Variants in GALR1 observed in about 807,000 individuals in gnomAD.
GALR1 encodes galanin receptor 1.
A neutral mutation model predicts 17.9 loss-of-function variants in GALR1; 11 were observed. That is an observed-to-expected ratio of 0.62 (90% confidence interval 0.39 to 1.02). GALR1 has a LOEUF of 1.02. Ranked by LOEUF, GALR1 falls within the 50% of genes least tolerant of loss-of-function variation. The pLI is 0.01. For missense variants in GALR1, 441 were observed against 456.9 expected, an observed-to-expected ratio of 0.97 and a Z score of 0.32; for synonymous variants, 206 against 205.7, an observed-to-expected ratio of 1.00 and a Z score of -0.01.
intron 1 of GALR1, among the ~76,000 whole-genome samples, chr18:77,253,276 G>A (rs990530037): frequency 8.5e-5 from 13 of 152,210 alleles, no homozygotes; most frequent in Admixed American, 8.5e-4. Flanking sequence ...AAAGAGCTTT[G>A]GAAAGGAACA....
chr18:77,270,163 CTT>C lies in GALR1; in HGVS notation c.*1263_*1264del, dbSNP rs1913033812. The C allele has an allele frequency of 6.6e-6, 1 of 151,908 alleles. No individual in the cohort carries two copies. The highest frequency in any genetic ancestry group is 2.1e-4 in the South Asian group (1 of 4,826). The allele number at this position is 151,908 out of a possible 1,614,324, so 9.4% of individuals were successfully genotyped here. A position where few individuals can be genotyped will look rare whatever the true frequency, so the allele number is the denominator to read the frequency against. On this transcript the variant is annotated 3_prime_UTR_variant, in exon 3 of 3. Coordinates refer to ENST00000299727, the MANE Select transcript of GALR1 (RefSeq NM_001480.4). ...GAAAAGTACTTTTCAGACTGTAAGA[CTT>C]TGATATGTTTTAGGAGGCAACAAAA... is the stretch of plus-strand genomic sequence containing the variant.
At position 77,250,195 on chromosome 18, in the gene GALR1, C is replaced by T. The variant is rs1318778631; in HGVS notation, c.-354C>T. On this transcript the variant is annotated 5_prime_UTR_variant, in exon 1 of 3. Coordinates refer to ENST00000299727, the MANE Select transcript of GALR1 (RefSeq NM_001480.4). The stretch of plus-strand genomic sequence containing the variant: ...GGTAAGGCGGAGAGAAGGGTCTTTC[C>T]ACCTGCGCGGCTGCAGCCGGCGGAT... Among the ~76,000 whole-genome samples the T allele has an allele frequency of 6.6e-6, 1 of 152,202 alleles. No homozygotes were observed. Among genetic ancestry groups the T allele is most frequent in the African/African-American group, 2.4e-5 (1 of 41,462 alleles).
intron 1 of GALR1, among the ~76,000 whole-genome samples, chr18:77,252,942 CA>C (rs1568139129): frequency 1.4e-4 from 11 of 76,570 alleles, no homozygotes; most frequent in Non-Finnish European, 2.6e-4. Flanking sequence ...CCACCACCAC[CA>C]CCACCATCAC....
intron 1 of GALR1, among the ~76,000 whole-genome samples, chr18:77,252,797 G>A (rs944920467): frequency 6.6e-6 from 1 of 150,416 alleles, no homozygotes; most frequent in African/African-American, 2.5e-5. Flanking sequence ...GCAGTGAGCC[G>A]AAATCGTGCC....
At chr18:77,257,453 T>C (rs1354639100) in intron 2 of GALR1, among the ~76,000 whole-genome samples, 2 of 152,214 alleles carry the variant, frequency 1.3e-5, no homozygotes, top group East Asian at 3.8e-4. Flanking sequence ...TTTAGGCATC[T>C]AGGCCCCGCA....
Position 77,273,711 on chromosome 18 carries a change from C to T in GALR1, c.*4809C>T, listed in dbSNP as rs1913104390. ...TCTTTGTATTCACTGGAAATAACCTCAGCTGAATTTTCTCTCTGAATCTTT... is the reference window on the plus strand; with the variant it reads ...TCTTTGTATTCACTGGAAATAACCTTAGCTGAATTTTCTCTCTGAATCTTT... On this transcript the variant is annotated 3_prime_UTR_variant, in exon 3 of 3. Coordinates refer to ENST00000299727, the MANE Select transcript of GALR1 (RefSeq NM_001480.4). 6.6e-6 allele frequency: 1 copy of T among 151,964 alleles called. No individual in the cohort carries two copies. Among genetic ancestry groups the T allele is most frequent in the African/African-American group, 2.4e-5 (1 of 41,392 alleles). 9.4% of individuals were successfully genotyped at this position (151,964 alleles called of 1,614,324 possible). A position where few individuals can be genotyped will look rare whatever the true frequency, so the allele number is the denominator to read the frequency against.
chr18:77,251,516 G>T (rs1912415485), intron 1 of GALR1, among the ~76,000 whole-genome samples: 1 of 152,250 alleles, frequency 6.6e-6, no homozygotes, highest in Non-Finnish European at 1.5e-5. Context: ...CGGCCCTGCG[G>T]CCCTTCAACG....
At chr18:77,266,663 A>G (rs568296824) in intron 2 of GALR1, among the ~76,000 whole-genome samples, 1 of 152,366 alleles carries the variant, frequency 6.6e-6, no homozygotes, top group African/African-American at 2.4e-5. Flanking sequence ...ACTTACAATC[A>G]TAGCAGAAAG....
chr18:77,262,246 G>A (rs1912847881), intron 2 of GALR1, among the ~76,000 whole-genome samples: 1 of 151,826 alleles, frequency 6.6e-6, no homozygotes, highest in Non-Finnish European at 1.5e-5. Context: ...CTTTGCACTG[G>A]TTGAGGATGG....
At chr18:77,261,968 T>TAC (rs1912839450) in intron 2 of GALR1, among the ~76,000 whole-genome samples, 2 of 152,088 alleles carry the variant, frequency 1.3e-5, no homozygotes, top group Admixed American at 1.3e-4. Context: ...GGACTACACG[T>TAC]GCACACTGCT....
In GALR1 at chr18:77,275,746, G is replaced by A. The variant is rs1360631627; in HGVS notation, c.*6844G>A. 2.0e-5 allele frequency: 3 copies of A among 152,196 alleles called. No individual in the cohort carries two copies. Among genetic ancestry groups the A allele is most frequent in the Non-Finnish European group, 2.9e-5 (2 of 68,034 alleles). The allele number at this position is 152,196 out of a possible 1,614,324, so 9.4% of individuals were successfully genotyped here. ...GTCAGGATCACCTAGCTTTGACGAT[G>A]AGAGTGTTTTTTAAAACGGAAACCA... On this transcript the variant is annotated 3_prime_UTR_variant, in exon 3 of 3. Transcript: ENST00000299727.
rs556394313 is a variant in GALR1 at position 77,276,870 on chromosome 18, A to G, written c.*7968A>G. 12 of 152,370 alleles carry G rather than the reference A, an allele frequency of 7.9e-5. No homozygotes were observed. The South Asian group carries it at 2.5e-3, about 32-fold the overall frequency. The allele number at this position is 152,370 out of a possible 1,614,324, so 9.4% of individuals were successfully genotyped here. A position where few individuals can be genotyped will look rare whatever the true frequency, so the allele number is the denominator to read the frequency against. On this transcript the variant is annotated 3_prime_UTR_variant, in exon 3 of 3. Transcript: ENST00000299727. Reference sequence around the variant, plus strand: ...AAATTTGTAAGTTTTCAAAAGCATGAAGGAGTTTAATAACTTGTAAGACTT... The same window carrying G: ...AAATTTGTAAGTTTTCAAAAGCATGGAGGAGTTTAATAACTTGTAAGACTT...
intron 2 of GALR1, among the ~76,000 whole-genome samples, chr18:77,267,651 C>G (rs548790033): frequency 6.6e-6 from 1 of 152,334 alleles, no homozygotes; most frequent in Non-Finnish European, 1.5e-5. Flanking sequence ...AAATACTAGA[C>G]TCCCGTAATT....
At chr18:77,252,960 CACCACCACCATCACCACCATCACCACCAT>C (rs2144949571) in intron 1 of GALR1, among the ~76,000 whole-genome samples, 6 of 55,868 alleles carry the variant, frequency 1.1e-4, no homozygotes, top group Admixed American at 1.7e-4. Context: ...TCACCACCAT[CACCACCACCATCACCACCATCACCACCAT>C]CACCACCACC....
chr18:77,268,444 G>T, intron 2 of GALR1, 141 bp from the exon 3 acceptor site: 1 of 630,830 alleles, frequency 1.6e-6, no homozygotes. Context: ...TTGATCTCAT[G>T]AAAATATACA....
rs1913010361 is a variant in GALR1 at position 77,269,148 on chromosome 18, T to C, written c.*246T>C. 2.1e-6 allele frequency: 1 copy of C among 476,442 alleles called. No individual in the cohort carries two copies. Among genetic ancestry groups the C allele is most frequent in the African/African-American group, 2.0e-5 (1 of 50,806 alleles). 29.5% of individuals were successfully genotyped at this position (476,442 alleles called of 1,614,324 possible). A position where few individuals can be genotyped will look rare whatever the true frequency, so the allele number is the denominator to read the frequency against. On this transcript the variant is annotated 3_prime_UTR_variant, in exon 3 of 3. Transcript: ENST00000299727. ...GTTTCAGAAACAAAAGACAATGCTG[T>C]ACAGTTTTATTCCTCTTCAGACATG...
At chr18:77,258,785 G>GA (rs1912688297) in intron 2 of GALR1, among the ~76,000 whole-genome samples, 5 of 135,044 alleles carry the variant, frequency 3.7e-5, no homozygotes, top group Admixed American at 7.3e-5. Context: ...GATGGTGGTG[G>GA]TGGTGGTGGT....
rs1885193567 is a variant in GALR1 at position 77,277,689 on chromosome 18, G to A, written c.*8787G>A. 1.3e-5 allele frequency: 2 copies of A among 152,180 alleles called. No individual in the cohort carries two copies. Among genetic ancestry groups the A allele is most frequent in the Admixed American group, 6.5e-5 (1 of 15,276 alleles). 9.4% of individuals were successfully genotyped at this position (152,180 alleles called of 1,614,324 possible). On this transcript the variant is annotated 3_prime_UTR_variant, in exon 3 of 3. Coordinates refer to ENST00000299727, the MANE Select transcript of GALR1 (RefSeq NM_001480.4). ...GTTATAATTATTCTCTAGAGAGCTG[G>A]CCATACAATTTATCTCATTATTTAT... is the stretch of plus-strand genomic sequence containing the variant.
rs1448257134 is a variant in GALR1 at position 77,272,478 on chromosome 18, TG to T, written c.*3577del. 6.6e-6 allele frequency: 1 copy of T among 152,276 alleles called. No individual in the cohort carries two copies. Among genetic ancestry groups the T allele is most frequent in the Non-Finnish European group, 1.5e-5 (1 of 68,052 alleles). The allele number at this position is 152,276 out of a possible 1,614,324, so 9.4% of individuals were successfully genotyped here. A position where few individuals can be genotyped will look rare whatever the true frequency, so the allele number is the denominator to read the frequency against. ...AATAACCTATTGGGCAGCTTCATCA[TG>T]TTCTTGCTTTAAATGATTTATCAAA... On this transcript the variant is annotated 3_prime_UTR_variant, in exon 3 of 3. Transcript: ENST00000299727.
Sources: gnomAD v4.1 joint callset for allele counts (sites outside exome capture counted in the v4.1 genomes callset) on GRCh38, gnomAD v4.1.1 for gene constraint, MANE v1.5 for transcripts, NCBI Gene and HGNC (gene_info 2026-07-23, HGNC 2026-07-21) for gene names.